The following KIAA1217 variants were observed in gnomAD, a reference collection of about 807,000 sequenced individuals.
KIAA1217 encodes the protein KIAA1217.
Under a neutral mutation model 163.9 loss-of-function variants are expected in KIAA1217, and 88 were observed. The observed-to-expected ratio is 0.54, with a 90% CI of 0.45 to 0.64. The LOEUF (loss-of-function observed/expected upper bound fraction) is 0.64. KIAA1217 is among the 30% of genes least tolerant of loss of function. The pLI, the probability that KIAA1217 is intolerant of heterozygous loss-of-function variation, is 0.00. For missense variants in KIAA1217, 2,372 were observed against 2,475.0 expected, an observed-to-expected ratio of 0.96 and a Z score of 0.88; for synonymous variants, 903 against 923.1, an observed-to-expected ratio of 0.98 and a Z score of 0.39.
rs374991912 is a variant in KIAA1217 at position 24,332,981 on chromosome 10, G to A, written c.355-47888G>A. Among the ~76,000 whole-genome samples, 6 of 152,184 alleles carry A rather than the reference G, an allele frequency of 3.9e-5. No homozygotes were observed. In the East Asian group the frequency reaches 1.2e-3, roughly 29 times the overall value. On this transcript the variant is annotated intron_variant, in intron 2 of 20. Transcript: ENST00000376454. ...CAGAAATAATGTAGTAGAAGGTCACGTGAAAGGTAGAAGGGCAGGGCAGAG... is the reference window on the plus strand; with the variant it reads ...CAGAAATAATGTAGTAGAAGGTCACATGAAAGGTAGAAGGGCAGGGCAGAG...
intron 1 of KIAA1217, among the ~76,000 whole-genome samples, chr10:23,790,516 T>C (rs975220789): frequency 1.9e-5 from 2 of 103,692 alleles, no homozygotes; most frequent in Admixed American, 1.0e-4. Context: ...TATACATATG[T>C]ATATATACAT....
rs146969858 is a variant in KIAA1217 at position 24,528,904 on chromosome 10, A to T, written c.3082+785A>T. ...AAATTATTAGAATATGTATTTAACC[A>T]ACTCAACTATGGAAGTTAAATGCCA... On this transcript the variant is annotated intron_variant, in intron 14 of 20. Coordinates refer to ENST00000376454, the MANE Select transcript of KIAA1217 (RefSeq NM_019590.5). Among the ~76,000 whole-genome samples, 549 of 152,328 alleles carry T rather than the reference A, an allele frequency of 3.6e-3. 4 individuals are homozygous for T. Among genetic ancestry groups the T allele is most frequent in the African/African-American group, 0.013 (525 of 41,570 alleles).
intron 6 of KIAA1217, chr10:24,482,003 T>G (rs1312827022): frequency 6.6e-6 from 1 of 152,214 alleles, no homozygotes; most frequent in Non-Finnish European, 1.5e-5. Context: ...TGAATTGTTA[T>G]TTCGTTCACA....
chr10:23,771,275 A>C (rs1588765079), intron 1 of KIAA1217, among the ~76,000 whole-genome samples: 1 of 152,196 alleles, frequency 6.6e-6, no homozygotes, highest in South Asian at 2.1e-4. Flanking sequence ...TTCCTTACAT[A>C]GGGAGCTTTT....
Position 23,749,866 on chromosome 10 carries a change from CA to C in KIAA1217, c.-321+54636del, listed in dbSNP as rs34294721. On this transcript the variant is annotated intron_variant, in intron 1 of 18. Coordinates refer to the KIAA1217 transcript ENST00000376462. ...ATCTCAAAGCTATGTGCTGATTGTA[CA>C]AAAGGGACTAATATTGACTTCAAAC... Among the ~76,000 whole-genome samples, 310 of 152,304 alleles carry C rather than the reference CA, an allele frequency of 2.0e-3. 3 individuals are homozygous for C. Among genetic ancestry groups the C allele is most frequent in the African/African-American group, 7.2e-3 (300 of 41,574 alleles).
At chr10:23,769,701 C>A (rs1177573579) in intron 1 of KIAA1217, among the ~76,000 whole-genome samples, 1 of 152,184 alleles carries the variant, frequency 6.6e-6, no homozygotes, top group East Asian at 1.9e-4. Context: ...TTTGCAGTGG[C>A]AGTTTAAATG....
intron 1 of KIAA1217, among the ~76,000 whole-genome samples, chr10:23,942,305 G>A (rs1033941820): frequency 3.3e-5 from 5 of 152,100 alleles, no homozygotes; most frequent in Non-Finnish European, 7.4e-5. Flanking sequence ...TAATGGAAAA[G>A]GTGGTAATAA....
Position 24,433,016 on chromosome 10 carries a change from G to T in KIAA1217, c.575G>T (p.Gly192Val). The change falls in exon 4 of 21, where the codon GGA becomes GTA. Residue 192 changes from glycine to valine, a missense_variant. Transcript: ENST00000376454. ...GCAGGGGTTCTCTATCTCCAGTATG[G>T]AGATGAAACCAAGCAGCTCAGGATG... ...RSLGVLYLQY[G>V]DETKQLRMPN... 6.2e-7 allele frequency: 1 copy of T among 1,614,074 alleles called. No homozygotes were observed. The highest frequency in any genetic ancestry group is 8.5e-7 in the Non-Finnish European group (1 of 1,180,016).
chr10:23,768,769 T>C (rs1301978183), intron 1 of KIAA1217, among the ~76,000 whole-genome samples: 1 of 152,158 alleles, frequency 6.6e-6, no homozygotes, highest in Non-Finnish European at 1.5e-5. Context: ...GTTCAAGGAT[T>C]ATTGACTTTC....
At chr10:24,491,256 A>G (rs1045988602) in intron 6 of KIAA1217, among the ~76,000 whole-genome samples, 1 of 128,560 alleles carries the variant, frequency 7.8e-6, no homozygotes, top group East Asian at 2.5e-4. Context: ...ATCCAGAATG[A>G]TTCAGGTGCT....
chr10:23,954,545 C>G (rs546142951), intron 1 of KIAA1217, among the ~76,000 whole-genome samples: 1 of 148,962 alleles, frequency 6.7e-6, no homozygotes, highest in South Asian at 2.1e-4. Flanking sequence ...AGCCTGGACA[C>G]CAGAAAGAGA....
At chr10:23,770,530 C>G (rs1298416528) in intron 1 of KIAA1217, among the ~76,000 whole-genome samples, 1 of 152,158 alleles carries the variant, frequency 6.6e-6, no homozygotes, top group East Asian at 1.9e-4. Context: ...AACTTCAAAA[C>G]CAATTATCAC....
At chr10:24,267,846 G>A (rs763374586) in intron 2 of KIAA1217, among the ~76,000 whole-genome samples, 1 of 152,166 alleles carries the variant, frequency 6.6e-6, no homozygotes, top group African/African-American at 2.4e-5. Context: ...TCACACTGCT[G>A]CATGGTTTGC....
intron 2 of KIAA1217, among the ~76,000 whole-genome samples, chr10:24,149,477 C>T (rs567181893): frequency 6.6e-6 from 1 of 151,506 alleles, no homozygotes; most frequent in Admixed American, 6.6e-5. Context: ...AGCCTCCATG[C>T]CTGGCCCTAT....
chr10:23,962,978 GA>G (rs767031387), intron 1 of KIAA1217, among the ~76,000 whole-genome samples: 1 of 151,976 alleles, frequency 6.6e-6, no homozygotes, highest in Non-Finnish European at 1.5e-5. Context: ...ATCTCTAAAA[GA>G]AAAAAGAAAA....
At chr10:23,927,411 A>G (rs1843071601) in intron 1 of KIAA1217, among the ~76,000 whole-genome samples, 1 of 151,070 alleles carries the variant, frequency 6.6e-6, no homozygotes, top group Admixed American at 6.6e-5. Context: ...ACCACTGATC[A>G]TTATTCTATT....
chr10:24,210,712 G>A (rs146255252), intron 1 of KIAA1217, among the ~76,000 whole-genome samples: 6 of 152,240 alleles, frequency 3.9e-5, no homozygotes, highest in South Asian at 2.1e-4. Flanking sequence ...TTATGTAGAC[G>A]TCACTGTTTT....
At chr10:24,043,343 T>G (rs1030631532) in intron 2 of KIAA1217, among the ~76,000 whole-genome samples, 1 of 152,168 alleles carries the variant, frequency 6.6e-6, no homozygotes, top group Non-Finnish European at 1.5e-5. Context: ...AACTGGGAGT[T>G]TTTATTTTCT....
At chr10:24,499,950 G>T (rs1407366738) in intron 8 of KIAA1217, among the ~76,000 whole-genome samples, 1 of 152,186 alleles carries the variant, frequency 6.6e-6, no homozygotes, top group East Asian at 1.9e-4. Context: ...AAGCAAGAAA[G>T]AGGATAGTTT....
Sources: allele counts gnomAD v4.1 joint callset (sites outside exome capture counted in the v4.1 genomes callset), GRCh38; gene constraint gnomAD v4.1.1; transcripts MANE v1.5; gene names NCBI Gene and HGNC (gene_info 2026-07-23, HGNC 2026-07-21).